The following FRMD4A variants were observed in gnomAD, a reference collection of about 807,000 sequenced individuals.
FRMD4A encodes the protein FERM domain containing 4A.
A neutral mutation model predicts 129.1 loss-of-function variants in FRMD4A; 29 were observed. That is an observed-to-expected ratio of 0.22 (90% CI 0.17 to 0.31). FRMD4A has a LOEUF of 0.31. FRMD4A is among the 10% of genes least tolerant of loss of function. The pLI, the probability that FRMD4A is intolerant of heterozygous loss-of-function variation, is 1.00. For missense variants in FRMD4A, 1,272 were observed against 1,375.8 expected (o/e 0.92, Z 1.19); for synonymous variants, 634 against 571.6 (o/e 1.11, Z -1.56).
intron 2 of FRMD4A, among the ~76,000 whole-genome samples, chr10:13,964,467 G>A (rs927002728): frequency 6.7e-6 from 1 of 149,054 alleles, no homozygotes; most frequent in East Asian, 2.0e-4. Flanking sequence ...CGTGGAGCTG[G>A]AGGCAGGGTG....
chr10:14,105,358 G>A (rs935852467), intron 2 of FRMD4A, among the ~76,000 whole-genome samples: 1 of 152,042 alleles, frequency 6.6e-6, no homozygotes, highest in Non-Finnish European at 1.5e-5. Flanking sequence ...TTGAGCCCAG[G>A]AGTTTGAGAC....
chr10:14,240,128 G>A (rs901313177), intron 2 of FRMD4A, among the ~76,000 whole-genome samples: 1 of 152,160 alleles, frequency 6.6e-6, no homozygotes, highest in African/African-American at 2.4e-5. Context: ...TACTGATGGA[G>A]TAATGACATC....
chr10:14,178,389 G>T (rs1841803291), intron 2 of FRMD4A, among the ~76,000 whole-genome samples: 1 of 152,196 alleles, frequency 6.6e-6, no homozygotes, highest in Admixed American at 6.5e-5. Flanking sequence ...CAGGTTCTGT[G>T]TTAGACACTT....
Position 14,327,613 on chromosome 10 carries a change from T to C in FRMD4A, c.45+2445A>G, listed in dbSNP as rs189507101. 4.7e-4 allele frequency among the ~76,000 whole-genome samples: 72 copies of C among 152,350 alleles called. 1 individual carries two copies. The highest frequency in any genetic ancestry group is 4.6e-3 in the Admixed American group (71 of 15,308). On this transcript the variant is annotated intron_variant, in intron 2 of 24. Transcript: ENST00000357447. ...GTAACCAATTAAACATGCTCTGCCC[T>C]GAAGCATTTAGCATCTAAGCTGAAT... is the stretch of plus-strand genomic sequence containing the variant.
chr10:13,941,007 C>T (rs10906548), intron 2 of FRMD4A, among the ~76,000 whole-genome samples: 14,840 of 152,114 alleles, frequency 0.098, 812 homozygotes, highest in Middle Eastern at 0.17. Context: ...AGAAAGAGGA[C>T]GGGGAAAGAG....
chr10:13,749,939 G>A (rs1485338503), intron 8 of FRMD4A, among the ~76,000 whole-genome samples: 1 of 150,554 alleles, frequency 6.6e-6, no homozygotes, highest in African/African-American at 2.5e-5. Context: ...GGGTGACAGA[G>A]GGAGACCCTA....
intron 2 of FRMD4A, among the ~76,000 whole-genome samples, chr10:14,149,367 T>C (rs1244253845): frequency 1.3e-5 from 2 of 152,144 alleles, no homozygotes; most frequent in South Asian, 2.1e-4. Flanking sequence ...AGAGACAGGG[T>C]CCCACCTTGT....
intron 2 of FRMD4A, among the ~76,000 whole-genome samples, chr10:14,327,478 G>A (rs1843323395): frequency 1.3e-5 from 2 of 152,190 alleles, no homozygotes; most frequent in Admixed American, 1.3e-4. Flanking sequence ...TTAGCAAATG[G>A]CATCACCAAG....
At chr10:14,155,965 T>A (rs1840574819) in intron 2 of FRMD4A, among the ~76,000 whole-genome samples, 1 of 152,224 alleles carries the variant, frequency 6.6e-6, no homozygotes, top group Admixed American at 6.5e-5. Context: ...ATGGTCACCA[T>A]CTTTGGAGAG....
At chr10:13,919,039 A>G (rs1286545230) in intron 2 of FRMD4A, among the ~76,000 whole-genome samples, 1 of 152,204 alleles carries the variant, frequency 6.6e-6, no homozygotes, top group Non-Finnish European at 1.5e-5. Context: ...CCAAAGTGAC[A>G]TCTAGTTAGA....
At chr10:14,089,908 C>T (rs979796163) in intron 2 of FRMD4A, among the ~76,000 whole-genome samples, 1 of 152,146 alleles carries the variant, frequency 6.6e-6, no homozygotes, top group Non-Finnish European at 1.5e-5. Flanking sequence ...CTGATTGCTT[C>T]GTATATATTG....
chr10:14,035,110 T>C (rs1437245212), intron 2 of FRMD4A, among the ~76,000 whole-genome samples: 6 of 152,072 alleles, frequency 3.9e-5, no homozygotes, highest in Non-Finnish European at 5.9e-5. Flanking sequence ...TATGCTACGT[T>C]AGGGAATTAA....
At chr10:14,188,529 T>G (rs1309560570) in intron 2 of FRMD4A, among the ~76,000 whole-genome samples, 1 of 152,192 alleles carries the variant, frequency 6.6e-6, no homozygotes, top group Non-Finnish European at 1.5e-5. Flanking sequence ...TTTTCCAGAA[T>G]CCAAACTTTA....
intron 6 of FRMD4A, among the ~76,000 whole-genome samples, chr10:13,768,985 ATTTTTTTTTTTTT>A (rs10558942): frequency 9.7e-6 from 1 of 103,332 alleles, no homozygotes; most frequent in African/African-American, 3.8e-5. Flanking sequence ...ACTTTACTAG[ATTTTTTTTTTTTT>A]TTTTTTTTTG....
chr10:13,862,351 G>A (rs1471931386), intron 2 of FRMD4A, among the ~76,000 whole-genome samples: 2 of 152,162 alleles, frequency 1.3e-5, no homozygotes, highest in African/African-American at 4.8e-5. Flanking sequence ...AAGATGAAAT[G>A]TATCATTTTC....
intron 2 of FRMD4A, among the ~76,000 whole-genome samples, chr10:13,898,393 A>G (rs1376005794): frequency 6.6e-6 from 1 of 152,124 alleles, no homozygotes; most frequent in Admixed American, 6.6e-5. Flanking sequence ...AAAAATTGAT[A>G]ACGAGACCAC....
chr10:13,903,836 C>T (rs771926712), intron 2 of FRMD4A, among the ~76,000 whole-genome samples: 21 of 152,054 alleles, frequency 1.4e-4, no homozygotes, highest in Middle Eastern at 6.8e-3. Context: ...TGAGATAGGA[C>T]CATGCCACTA....
intron 2 of FRMD4A, chr10:14,083,304 A>C (rs1437402821): frequency 1.3e-5 from 2 of 152,252 alleles, no homozygotes; most frequent in Admixed American, 1.3e-4. Context: ...CTAGAGATTG[A>C]AAACATCAAA....
intron 3 of FRMD4A, among the ~76,000 whole-genome samples, chr10:13,848,648 C>G (rs909547844): frequency 8.8e-6 from 1 of 113,718 alleles, no homozygotes; most frequent in Non-Finnish European, 2.0e-5. Flanking sequence ...GTAAACGCGG[C>G]AGGGGGTTCC....
Sources: gnomAD v4.1 joint callset for allele counts (sites outside exome capture counted in the v4.1 genomes callset) on GRCh38, gnomAD v4.1.1 for gene constraint, MANE v1.5 for transcripts, NCBI Gene and HGNC (gene_info 2026-07-23, HGNC 2026-07-21) for gene names.